Variants in ZNF568 observed in about 807,000 individuals in gnomAD.
ZNF568 encodes p53 inhibitor of SCO2 activation.
In ZNF568, 11 loss-of-function variants were observed where a neutral mutation model predicts 18.1. The ratio of observed to expected loss-of-function variants is 0.61; its 90% CI spans 0.38 to 1.00. ZNF568 has a LOEUF of 1.00. Ranked by LOEUF, ZNF568 falls within the 50% of genes least tolerant of loss-of-function variation. The pLI is 0.01. For missense variants in ZNF568, 639 were observed against 768.2 expected (o/e 0.83, Z 1.99); for synonymous variants, 213 against 246.6 (o/e 0.86, Z 1.28).
At chr19:36,926,205 A>C (rs2073550893) in intron 4 of ZNF568, among the ~76,000 whole-genome samples, 1 of 152,158 alleles carries the variant, frequency 6.6e-6, no homozygotes, top group South Asian at 2.1e-4. Context: ...TATAGTCTTC[A>C]TCCTCATCTT....
intron 6 of ZNF568, among the ~76,000 whole-genome samples, chr19:36,941,031 T>C (rs952917341): frequency 6.6e-6 from 1 of 152,176 alleles, no homozygotes; most frequent in Non-Finnish European, 1.5e-5. Context: ...CTGTCTTTTA[T>C]TTTTAAAATT....
Position 36,991,749 on chromosome 19 carries a change from A to C in ZNF568, c.134-2A>C, listed in dbSNP as rs1272260865. Reference sequence around the variant, plus strand: ...AACCTTGTTCCCTTTGTTTTTGAGCAGGGCTTTCTGATACTAAGCCAAATG... The same window carrying C: ...AACCTTGTTCCCTTTGTTTTTGAGCCGGGCTTTCTGATACTAAGCCAAATG... On this transcript the variant is annotated splice_acceptor_variant, in intron 3 of 4. Coordinates refer to the ZNF568 transcript ENST00000433993. LOFTEE classifies it high-confidence loss of function. 1 of 1,563,760 alleles carries C rather than the reference A, an allele frequency of 6.4e-7. No homozygotes were observed. Among genetic ancestry groups the C allele is most frequent in the East Asian group, 2.3e-5 (1 of 44,060 alleles).
chr19:36,992,242 CAAAAA>C (rs66941480), intron 4 of ZNF568, among the ~76,000 whole-genome samples: 3 of 118,210 alleles, frequency 2.5e-5, no homozygotes, highest in African/African-American at 6.2e-5. Flanking sequence ...GACTCCGTCT[CAAAAA>C]AAAAAAAAAA....
At position 36,916,860 on chromosome 19, in the gene ZNF568, G is replaced by A. The variant is rs1040996517; in HGVS notation, c.-256+269G>A. Among the ~76,000 whole-genome samples, 3 of 152,090 alleles carry A rather than the reference G, an allele frequency of 2.0e-5. No individual in the cohort carries two copies. Among genetic ancestry groups the A allele is most frequent in the Admixed American group, 6.6e-5 (1 of 15,266 alleles). ...GTAGCATTTGGCACAGTTGGTAACG[G>A]CTTGAAAAACACTTATTTGTTTTCT... On this transcript the variant is annotated intron_variant, in intron 1 of 6. Transcript: ENST00000333987. This position sits in a 1 kb window ranked among gnomAD's most constrained non-coding sequence, Gnocchi z 5.3.
intron 6 of ZNF568, among the ~76,000 whole-genome samples, chr19:36,941,863 C>T (rs985212320): frequency 6.6e-6 from 1 of 152,070 alleles, no homozygotes; most frequent in African/African-American, 2.4e-5. Flanking sequence ...CAGATTATAG[C>T]AGTGCTGTGC....
At chr19:36,991,478 T>C (rs1600861130) in intron 3 of ZNF568, 1 of 842,518 alleles carries the variant, frequency 1.2e-6, no homozygotes, top group Non-Finnish European at 1.7e-6. Context: ...AAATTGGCTG[T>C]TCCAGCAGGC....
intron 7 of ZNF568, among the ~76,000 whole-genome samples, chr19:36,977,100 A>G (rs2074292296): frequency 6.6e-6 from 1 of 152,206 alleles, no homozygotes; most frequent in South Asian, 2.1e-4. Flanking sequence ...GTGTGCTTTT[A>G]GATTCATTTA....
chr19:36,921,260 A>C (rs2073449911), intron 2 of ZNF568, among the ~76,000 whole-genome samples: 1 of 152,070 alleles, frequency 6.6e-6, no homozygotes, highest in Non-Finnish European at 1.5e-5. Context: ...TCAGGAGTTC[A>C]AGAACAGCCT....
intron 6 of ZNF568, among the ~76,000 whole-genome samples, chr19:36,960,538 C>A (rs2074140979): frequency 6.6e-6 from 1 of 151,848 alleles, no homozygotes; most frequent in Non-Finnish European, 1.5e-5. Flanking sequence ...AGAAACTTTC[C>A]TTTGGCCTGG....
intron 6 of ZNF568, 93 bp downstream of exon 6, chr19:36,937,335 T>A: frequency 9.9e-7 from 1 of 1,009,256 alleles, no homozygotes; most frequent in Non-Finnish European, 1.5e-6. Context: ...AAGATTTTCT[T>A]AAAGGCCTTA....
At chr19:36,991,303 AC>A (rs2074422338) in intron 3 of ZNF568, 6 of 1,532,532 alleles carry the variant, frequency 3.9e-6, no homozygotes, top group Non-Finnish European at 5.2e-6. Flanking sequence ...TTACTGGGTA[AC>A]TTTATCTGCC....
intron 2 of ZNF568, among the ~76,000 whole-genome samples, chr19:36,989,205 C>A (rs2074402361): frequency 6.6e-6 from 1 of 152,196 alleles, no homozygotes; most frequent in Admixed American, 6.5e-5. Flanking sequence ...TTGATTGAGA[C>A]AGAGTCTCCC....
At chr19:36,957,094 C>T (rs1210427164), downstream of ZNF568, among the ~76,000 whole-genome samples, 5 of 151,914 alleles carry the variant, frequency 3.3e-5, no homozygotes, top group Non-Finnish European at 7.3e-5. Context: ...TCTGCTTCTA[C>T]ATTCAGTCAC....
intron 4 of ZNF568, among the ~76,000 whole-genome samples, chr19:36,931,855 G>A (rs1347074922): frequency 6.6e-6 from 1 of 152,112 alleles, no homozygotes; most frequent in Admixed American, 6.5e-5. Flanking sequence ...TCATCACCCT[G>A]AAAAGAAACC....
chr19:36,951,884 C>A lies in ZNF568; in HGVS notation c.*796C>A. 2.1e-6 allele frequency: 2 copies of A among 950,646 alleles called. No homozygotes were observed. Among genetic ancestry groups the A allele is most frequent in the Non-Finnish European group, 2.5e-6 (2 of 799,028 alleles). 58.9% of individuals were successfully genotyped at this position (950,646 alleles called of 1,614,324 possible). A position where few individuals can be genotyped will look rare whatever the true frequency, so the allele number is the denominator to read the frequency against. On this transcript the variant is annotated 3_prime_UTR_variant, in exon 7 of 7. Transcript: ENST00000333987. ...CTTCAAAAGTGATCGCCCTCTTTGG[C>A]CTCCCAAAGTGCTGGGGTTTACAGG...
intron 6 of ZNF568, among the ~76,000 whole-genome samples, chr19:36,948,658 A>ATTTTTTTTTTTTTTTTTGTTTTTTTTT (rs2074005408): frequency 1.2e-5 from 1 of 83,576 alleles, no homozygotes. Context: ...TTTGTTGTTG[A>ATTTTTTTTTTTTTTTTTGTTTTTTTTT]TTTTTTTTTT....
At chr19:36,997,780 A>AG (rs201630656), downstream of ZNF568, 5,566 of 600,996 alleles carry the variant, frequency 9.3e-3, 47 homozygotes, top group Non-Finnish European at 0.014. Context: ...ATTTGGAAAA[A>AG]AAAACTTATG....
chr19:36,927,860 GTA>G (rs1219440874), intron 4 of ZNF568, among the ~76,000 whole-genome samples: 344 of 31,790 alleles, frequency 0.011, 1 homozygote, highest in Middle Eastern at 0.019. Flanking sequence ...GTGTGTGTGT[GTA>G]TATATATATA....
At chr19:36,938,637 C>T (rs952125999) in intron 6 of ZNF568, among the ~76,000 whole-genome samples, 5 of 152,148 alleles carry the variant, frequency 3.3e-5, no homozygotes, top group Admixed American at 2.6e-4. Flanking sequence ...TGATAGTTGG[C>T]TGTGTGTAAA....
Sources: gnomAD v4.1 joint callset for allele counts (sites outside exome capture counted in the v4.1 genomes callset) on GRCh38, gnomAD v4.1.1 for gene constraint, Gnocchi (gnomAD v3.1) non-coding constraint, MANE v1.5 for transcripts, NCBI Gene and HGNC (gene_info 2026-07-23, HGNC 2026-07-21) for gene names.